TMEM243: variants seen among roughly 807,000 people sequenced by gnomAD.
TMEM243 encodes the protein MDR1 and mitochondrial taxol resistance associated.
A neutral mutation model predicts 15.0 loss-of-function variants in TMEM243; 20 were observed. That is an observed-to-expected ratio of 1.33 (90% confidence interval 0.94 to 1.93). TMEM243 has a LOEUF of 1.93. Among genes scored for constraint, TMEM243 ranks in the 30% most tolerant of loss-of-function variants. The probability of loss-of-function intolerance (pLI) is 0.00; values close to 1 mark genes in which losing one functional copy is unlikely to be tolerated. For synonymous variants in TMEM243, 72 were observed against 52.7 expected, an observed-to-expected ratio of 1.37 and a Z score of -1.59; for missense variants, 156 against 142.1, an observed-to-expected ratio of 1.10 and a Z score of -0.50.
intron 1 of TMEM243, among the ~76,000 whole-genome samples, chr7:87,208,752 G>T (rs11771569): frequency 1.3e-5 from 2 of 152,126 alleles, no homozygotes; most frequent in Non-Finnish European, 2.9e-5. Context: ...TCCAAGTTTT[G>T]CAGCCTGGCA....
At chr7:87,207,638 A>G (rs73210222) in intron 1 of TMEM243, among the ~76,000 whole-genome samples, 3,991 of 152,262 alleles carry the variant, frequency 0.026, 78 homozygotes, top group East Asian at 0.064. Context: ...GGACAATGCC[A>G]TGAAGACATT....
intron 1 of TMEM243, among the ~76,000 whole-genome samples, chr7:87,213,101 C>T (rs946878052): frequency 1.3e-5 from 2 of 152,182 alleles, no homozygotes; most frequent in Non-Finnish European, 2.9e-5. Flanking sequence ...AAAGAGGCAG[C>T]TAAAAGAAGG....
chr7:87,208,445 G>C (rs1802382717), intron 1 of TMEM243, among the ~76,000 whole-genome samples: 1 of 152,206 alleles, frequency 6.6e-6, no homozygotes, highest in Admixed American at 6.5e-5. Context: ...GCAAGAGGTA[G>C]GTTCCCATGG....
At chr7:87,199,136 A>C in intron 1 of TMEM243, 79 bp from the exon 2 acceptor site, 1 of 1,180,238 alleles carries the variant, frequency 8.5e-7, no homozygotes, top group Non-Finnish European at 1.2e-6. Flanking sequence ...AGGCATTTGG[A>C]TGGTTTACTA....
chr7:87,209,612 CAG>C lies in TMEM243; in HGVS notation c.78+9812_78+9813del, dbSNP rs376909609. Among the ~76,000 whole-genome samples, 165 of 113,714 alleles carry C rather than the reference CAG, an allele frequency of 1.5e-3. 1 individual carries two copies. In the South Asian group the frequency reaches 0.016, roughly 11 times the overall value. The allele number at this position is 113,714 out of a possible 152,430, so 74.6% of individuals were successfully genotyped here. A position where few individuals can be genotyped will look rare whatever the true frequency, so the allele number is the denominator to read the frequency against. ...AGTGAGACAGTGAGAGAGAGAGAGA[CAG>C]AGAGAGAGACTGAGATAGAGAGCGA... On this transcript the variant is annotated intron_variant, in intron 1 of 3. Transcript: ENST00000257637.
At chr7:87,209,554 G>GAA (rs1449647203) in intron 1 of TMEM243, among the ~76,000 whole-genome samples, 1 of 135,440 alleles carries the variant, frequency 7.4e-6, no homozygotes, top group Admixed American at 7.6e-5. Flanking sequence ...GAGACAATGA[G>GAA]AGAGACAATG....
At chr7:87,207,313 C>CT (rs1562882691) in intron 1 of TMEM243, among the ~76,000 whole-genome samples, 26 of 44,100 alleles carry the variant, frequency 5.9e-4, no homozygotes, top group African/African-American at 1.2e-3. Context: ...AAGCAAAAGC[C>CT]GGCCGGGCGC....
Position 87,215,997 on chromosome 7 carries a change from G to A in TMEM243, c.78+3429C>T, listed in dbSNP as rs148053121. ...TACAACAAATTAAAAAGGGCCAGGC[G>A]TGGTGGCTCACGCCTGTAATCCCAG... On this transcript the variant is annotated intron_variant, in intron 1 of 3. Transcript: ENST00000257637. 1.4e-3 allele frequency among the ~76,000 whole-genome samples: 207 copies of A among 152,208 alleles called. 2 individuals carry two copies. The East Asian group carries it at 0.033, about 24-fold the overall frequency.
intron 1 of TMEM243, among the ~76,000 whole-genome samples, chr7:87,211,851 G>C (rs574985149): frequency 6.6e-6 from 1 of 152,192 alleles, no homozygotes; most frequent in African/African-American, 2.4e-5. Flanking sequence ...ACTCTAGGAC[G>C]CCGCGAATTA....
rs953760052 is a variant in TMEM243 at position 87,219,436 on chromosome 7, G to C, written c.68C>G (p.Thr23Arg). The C allele has an allele frequency of 5.0e-6, 8 of 1,614,074 alleles. No homozygotes were observed. The highest frequency in any genetic ancestry group is 6.8e-6 in the Non-Finnish European group (8 of 1,180,012). The change falls in exon 1 of 4, where the codon ACG becomes AGG. Residue 23 changes from threonine to arginine, a missense_variant. Thr to Arg is a moderately conservative substitution (Grantham distance 71). Coordinates refer to ENST00000257637, the MANE Select transcript of TMEM243 (RefSeq NM_024315.4). Reference sequence around the variant, plus strand: ...ACAATCCGCACTCACCTTGGCGGACGTCTCCCCAAACAGAGGTCTGTTGTC... The same window carrying C: ...ACAATCCGCACTCACCTTGGCGGACCTCTCCCCAAACAGAGGTCTGTTGTC... ...GLDNRPLFGETSAKDRIINLV... is the reference protein window; with the variant it reads ...GLDNRPLFGERSAKDRIINLV...
chr7:87,213,433 G>A (rs1802897848), intron 1 of TMEM243, among the ~76,000 whole-genome samples: 1 of 152,238 alleles, frequency 6.6e-6, no homozygotes, highest in African/African-American at 2.4e-5. Context: ...TCCTTTGAGA[G>A]AAATAGCTGT....
intron 3 of TMEM243, chr7:87,197,604 CAA>C (rs1405761501): frequency 2.3e-5 from 15 of 643,188 alleles, no homozygotes; most frequent in Non-Finnish European, 3.5e-5. Flanking sequence ...TGGCATTTCC[CAA>C]AGACTGTTGG....
At chr7:87,209,485 T>TGA (rs140490349) in intron 1 of TMEM243, among the ~76,000 whole-genome samples, 5,828 of 120,108 alleles carry the variant, frequency 0.049, 261 homozygotes, top group African/African-American at 0.12. Flanking sequence ...AGTGAGATAG[T>TGA]GAGAGAGAGA....
Position 87,209,026 on chromosome 7 carries a change from A to AC in TMEM243, c.79-9970dup, listed in dbSNP as rs544695191. Among the ~76,000 whole-genome samples, 161 of 152,324 alleles carry AC rather than the reference A, an allele frequency of 1.1e-3. 1 individual carries two copies. Among genetic ancestry groups the AC allele is most frequent in the Non-Finnish European group, 1.8e-3 (121 of 68,020 alleles). ...GTTTTCTATCCTCACCTGGGCCTTC[A>AC]CTGTATTTCCATGGCCTCTTATTTT... On this transcript the variant is annotated intron_variant, in intron 1 of 3. Coordinates refer to ENST00000257637, the MANE Select transcript of TMEM243 (RefSeq NM_024315.4).
intron 1 of TMEM243, among the ~76,000 whole-genome samples, chr7:87,210,485 A>G (rs1237318798): frequency 6.6e-6 from 1 of 152,370 alleles, no homozygotes; most frequent in African/African-American, 2.4e-5. Context: ...TACTTCCAAG[A>G]TACAATGGGG....
chr7:87,204,830 C>G (rs1317579875), intron 1 of TMEM243, among the ~76,000 whole-genome samples: 1 of 152,238 alleles, frequency 6.6e-6, no homozygotes, highest in Non-Finnish European at 1.5e-5. Context: ...CACAGCTCCA[C>G]TAGGCAATGC....
intron 1 of TMEM243, among the ~76,000 whole-genome samples, chr7:87,206,566 C>CT (rs1259403476): frequency 6.6e-6 from 1 of 152,200 alleles, no homozygotes; most frequent in Admixed American, 6.5e-5. Flanking sequence ...TACTAAGTGA[C>CT]TAACAGGCAG....
At chr7:87,198,792 A>T in intron 2 of TMEM243, 1 of 474,508 alleles carries the variant, frequency 2.1e-6, no homozygotes, top group South Asian at 3.7e-5. Flanking sequence ...GGTAAACTCA[A>T]TTATCTTAAA....
At chr7:87,209,641 AGAGACAGT>A (rs1372206800) in intron 1 of TMEM243, among the ~76,000 whole-genome samples, 2 of 78,814 alleles carry the variant, frequency 2.5e-5, no homozygotes, top group Non-Finnish European at 4.8e-5. Flanking sequence ...AGAGAGCGAG[AGAGACAGT>A]GAGAGACAGA....
Sources: allele counts gnomAD v4.1 joint callset (sites outside exome capture counted in the v4.1 genomes callset), GRCh38; gene constraint gnomAD v4.1.1; transcripts MANE v1.5; gene names NCBI Gene and HGNC (gene_info 2026-07-23, HGNC 2026-07-21).